FSTL1: variants seen among roughly 807,000 people sequenced by gnomAD.
FSTL1 encodes the protein follistatin like 1.
FSTL1 carries 24 observed loss-of-function variants against 45.9 expected under a neutral mutation model. That is an observed-to-expected ratio of 0.52 (90% CI 0.38 to 0.74). The LOEUF is 0.74. Ranked by LOEUF, FSTL1 falls within the 30% of genes least tolerant of loss-of-function variation. The pLI is 0.00. For missense variants in FSTL1, 340 were observed against 381.8 expected (o/e 0.89, Z 0.91); for synonymous variants, 120 against 137.6 (o/e 0.87, Z 0.89).
At chr3:120,418,634 G>T (rs1381982220) in intron 2 of FSTL1, among the ~76,000 whole-genome samples, 2 of 152,148 alleles carry the variant, frequency 1.3e-5, no homozygotes, top group South Asian at 4.1e-4. Context: ...AGCAAGTGTC[G>T]GGAGAATGTG....
chr3:120,431,550 C>T (rs886983922), intron 2 of FSTL1, among the ~76,000 whole-genome samples: 2 of 151,576 alleles, frequency 1.3e-5, no homozygotes, highest in South Asian at 2.1e-4. Flanking sequence ...TGGCTGGATG[C>T]GGTGGCTCAC....
intron 2 of FSTL1, among the ~76,000 whole-genome samples, chr3:120,433,043 C>T (rs1627473): frequency 0.89 from 134,835 of 152,226 alleles, 60,553 homozygotes; most frequent in Non-Finnish European, 0.97. Context: ...AAAGTAAAGG[C>T]TTCAGCAAAA....
At chr3:120,445,399 C>T (rs1937715616) in intron 2 of FSTL1, among the ~76,000 whole-genome samples, 1 of 149,422 alleles carries the variant, frequency 6.7e-6, no homozygotes, top group Non-Finnish European at 1.5e-5. Flanking sequence ...GGGCTAGACA[C>T]CAAGAGAAGA....
intron 6 of FSTL1, among the ~76,000 whole-genome samples, chr3:120,407,052 C>T (rs1217654870): frequency 6.6e-6 from 1 of 152,214 alleles, no homozygotes; most frequent in African/African-American, 2.4e-5. Context: ...TGCTACCCAT[C>T]ACATGAATTC....
intron 4 of FSTL1, 66 bp downstream of exon 4, chr3:120,411,788 C>G: frequency 6.9e-7 from 1 of 1,448,784 alleles, no homozygotes. Flanking sequence ...TCAGCCAGGC[C>G]ACACTGCTCT....
rs775424514 is a variant in FSTL1 at position 120,403,336 on chromosome 3, A to C, written c.600T>G (p.Ala200=). Reference sequence around the variant, plus strand: ...CATTTTCATCAGACAGTTCAATGAGAGCATCAACACAGAGTCCCCTGAAAC... The same window carrying C: ...CATTTTCATCAGACAGTTCAATGAGCGCATCAACACAGAGTCCCCTGAAAC... The part of the protein sequence containing the change: ...NKLLRGLCVD[A]LIELSDENAD... Residue 200 remains alanine, a synonymous_variant, in exon 8 of 11, where the codon GCT becomes GCG. Transcript: ENST00000295633. 6.2e-7 allele frequency: 1 copy of C among 1,605,596 alleles called. No homozygotes were observed. The highest frequency in any genetic ancestry group is 1.7e-5 in the Admixed American group (1 of 60,014).
chr3:120,432,609 T>C (rs1470276521), intron 2 of FSTL1, among the ~76,000 whole-genome samples: 2 of 152,366 alleles, frequency 1.3e-5, no homozygotes, highest in South Asian at 2.1e-4. Context: ...GGATAGATTA[T>C]CATTTGTGGT....
intron 9 of FSTL1, among the ~76,000 whole-genome samples, chr3:120,400,513 A>C (rs1049556565): frequency 6.6e-6 from 1 of 152,172 alleles, no homozygotes; most frequent in African/African-American, 2.4e-5. Flanking sequence ...ACAAAAACAA[A>C]AACTACACAG....
At chr3:120,412,489 G>T in intron 3 of FSTL1, among the ~76,000 whole-genome samples, 1 of 152,154 alleles carries the variant, frequency 6.6e-6, no homozygotes, top group Admixed American at 6.5e-5. Context: ...GCCCTCACCA[G>T]ACATCAAATC....
rs762224570 is a variant in FSTL1 at position 120,409,661 on chromosome 3, A to G, written c.333T>C (p.Val111=). ...CATCACGGTTGGACTGATAGCAAAC[A>G]ACTGCAGGAAAGTGGAGGATGTCAG... ...KKSVSPSASP[V]VCYQSNRDEL... The change falls in exon 6 of 11, where the codon GTT becomes GTC. Residue 111 remains valine (V), a splice_region_variant and synonymous_variant. Transcript: ENST00000295633. 1.9e-6 allele frequency: 3 copies of G among 1,613,930 alleles called. No homozygotes were observed. The highest frequency in any genetic ancestry group is 2.5e-6 in the Non-Finnish European group (3 of 1,179,872).
chr3:120,412,139 TCA>T (rs879578060), intron 3 of FSTL1, among the ~76,000 whole-genome samples, 156 bp from the exon 4 acceptor site: 2 of 152,132 alleles, frequency 1.3e-5, no homozygotes, highest in African/African-American at 2.4e-5. Context: ...GCACAGGCAG[TCA>T]CAGTTCTGGC....
intron 8 of FSTL1, 134 bp downstream of exon 8, chr3:120,403,108 G>T: frequency 1.4e-6 from 1 of 710,740 alleles, no homozygotes; most frequent in Middle Eastern, 2.5e-4. Context: ...GGGAGAATGG[G>T]CTGGGGCCCA....
rs1453094554 is a variant in FSTL1, at chr3:120,441,003, C to T, written c.63+9681G>A. Reference sequence around the variant, plus strand: ...GCCCCTCCCTAGTGGGACTGCAGGTCTGTGTGCAAAGTACCAGAAGCTGTG... The same window carrying T: ...GCCCCTCCCTAGTGGGACTGCAGGTTTGTGTGCAAAGTACCAGAAGCTGTG... On this transcript the variant is annotated intron_variant, in intron 2 of 10. Transcript: ENST00000295633. Among the ~76,000 whole-genome samples, 5 of 152,250 alleles carry T rather than the reference C, an allele frequency of 3.3e-5. 1 individual carries two copies. The South Asian group carries it at 1.0e-3, about 31-fold the overall frequency.
chr3:120,400,799 C>A (rs564855838), intron 9 of FSTL1, among the ~76,000 whole-genome samples: 4 of 152,302 alleles, frequency 2.6e-5, no homozygotes, highest in South Asian at 4.1e-4. Context: ...AATGCTGGCT[C>A]CACAAACTCC....
intron 6 of FSTL1, 67 bp from the exon 7 acceptor site, chr3:120,405,038 T>C: frequency 1.2e-6 from 1 of 829,788 alleles, no homozygotes; most frequent in East Asian, 2.4e-5. Flanking sequence ...ATTACTCCAC[T>C]CAGCTGACCT....
At chr3:120,419,005 C>T (rs1270231020) in intron 2 of FSTL1, 1 of 152,228 alleles carries the variant, frequency 6.6e-6, no homozygotes, top group Non-Finnish European at 1.5e-5. Context: ...ACAAAAGGCC[C>T]GTTTGAAGAG....
At chr3:120,401,312 T>G (rs1936820966) in intron 9 of FSTL1, among the ~76,000 whole-genome samples, 1 of 152,214 alleles carries the variant, frequency 6.6e-6, no homozygotes, top group Non-Finnish European at 1.5e-5. Flanking sequence ...CTAAACAGCC[T>G]CTTCCTGTTC....
chr3:120,414,008 C>G (rs1937131305), intron 3 of FSTL1, among the ~76,000 whole-genome samples: 1 of 151,930 alleles, frequency 6.6e-6, no homozygotes, highest in Non-Finnish European at 1.5e-5. Context: ...GTCTCCAGCC[C>G]CTAACCGCAA....
At chr3:120,442,811 G>GA (rs1937652564) in intron 2 of FSTL1, among the ~76,000 whole-genome samples, 7 of 112,964 alleles carry the variant, frequency 6.2e-5, no homozygotes, top group African/African-American at 3.2e-4. Context: ...AAAAAAAAAA[G>GA]CAGACTTGGA....
Sources: gnomAD v4.1 joint callset for allele counts (sites outside exome capture counted in the v4.1 genomes callset) on GRCh38, gnomAD v4.1.1 for gene constraint, MANE v1.5 for transcripts, NCBI Gene and HGNC (gene_info 2026-07-23, HGNC 2026-07-21) for gene names.